UXS1: variants seen among roughly 807,000 people sequenced by gnomAD.
UXS1 encodes the protein UDP-glucuronate decarboxylase 1, also known as UDP-glucuronic acid decarboxylase 1.
UXS1 carries 33 observed loss-of-function variants against 62.6 expected under a neutral mutation model. That is an observed-to-expected ratio of 0.53 (90% confidence interval 0.40 to 0.70). The LOEUF is 0.70. Among genes scored for constraint, UXS1 ranks in the 30% least tolerant of loss-of-function variants. The pLI is 0.00. For synonymous variants in UXS1, 213 were observed against 206.8 expected (o/e 1.03, Z -0.26); for missense variants, 434 against 556.3 (o/e 0.78, Z 2.21).
intron 6 of UXS1, among the ~76,000 whole-genome samples, chr2:106,136,986 A>AAAAAAAAAAAAAAAAAAAAAAATG (rs1680704292): frequency 6.8e-6 from 1 of 147,658 alleles, no homozygotes; most frequent in African/African-American, 2.5e-5. Flanking sequence ...AAAAAAAAAA[A>AAAAAAAAAAAAAAAAAAAAAAATG]GAAAGCCAAG....
At chr2:106,188,040 C>T (rs1218244989) in intron 1 of UXS1, among the ~76,000 whole-genome samples, 1 of 152,232 alleles carries the variant, frequency 6.6e-6, no homozygotes, top group Non-Finnish European at 1.5e-5. Context: ...CCGCGACCAG[C>T]CTTAACTCTA....
chr2:106,152,613 A>C (rs922860453), intron 5 of UXS1, among the ~76,000 whole-genome samples: 20 of 152,020 alleles, frequency 1.3e-4, no homozygotes, highest in Non-Finnish European at 1.5e-5. Context: ...AAAGAAGAGA[A>C]AAGAGGAAAG....
intron 1 of UXS1, among the ~76,000 whole-genome samples, chr2:106,191,291 A>G (rs1457691359): frequency 6.6e-6 from 1 of 152,218 alleles, no homozygotes; most frequent in Non-Finnish European, 1.5e-5. Context: ...GAGGGTGTAT[A>G]TAATTGGGAA....
chr2:106,117,187 C>T (rs1437424079), intron 9 of UXS1, among the ~76,000 whole-genome samples: 1 of 152,198 alleles, frequency 6.6e-6, no homozygotes, highest in Non-Finnish European at 1.5e-5. Context: ...GAGAGGTTGG[C>T]ATACTGTCCA....
chr2:106,164,291 T>A (rs1167442755), intron 3 of UXS1, among the ~76,000 whole-genome samples: 1 of 152,218 alleles, frequency 6.6e-6, no homozygotes, highest in Admixed American at 6.5e-5. Context: ...TATCTACATG[T>A]ATTTAAATAG....
intron 3 of UXS1, among the ~76,000 whole-genome samples, chr2:106,164,156 A>T (rs1424040840): frequency 6.6e-6 from 1 of 152,232 alleles, no homozygotes; most frequent in Non-Finnish European, 1.5e-5. Context: ...GTCTGTAGAC[A>T]CTGTGGACTC....
At chr2:106,166,790 T>C (rs769990546) in intron 1 of UXS1, among the ~76,000 whole-genome samples, 3 of 149,448 alleles carry the variant, frequency 2.0e-5, no homozygotes, top group Non-Finnish European at 4.4e-5. Context: ...CCTGAGTAAG[T>C]GGGACTGCAG....
intron 14 of UXS1, among the ~76,000 whole-genome samples, chr2:106,095,346 G>A (rs1676989310): frequency 6.6e-6 from 1 of 152,190 alleles, no homozygotes; most frequent in Non-Finnish European, 1.5e-5. Flanking sequence ...TGTGAAGTCT[G>A]GGTGTAATTG....
intron 1 of UXS1, among the ~76,000 whole-genome samples, chr2:106,178,833 G>GC (rs1270947411): frequency 2.7e-5 from 4 of 150,496 alleles, no homozygotes; most frequent in Non-Finnish European, 5.9e-5. Context: ...CACACCCAGT[G>GC]CCCCCCAGCC....
intron 1 of UXS1, among the ~76,000 whole-genome samples, chr2:106,178,812 G>A (rs149532579): frequency 4.8e-4 from 72 of 150,614 alleles, no homozygotes; most frequent in African/African-American, 1.7e-3. Context: ...GCTGGGCAGT[G>A]TAGTTCTGAG....
intron 1 of UXS1, among the ~76,000 whole-genome samples, chr2:106,189,051 G>C (rs1380652655): frequency 6.6e-6 from 1 of 152,098 alleles, no homozygotes; most frequent in Non-Finnish European, 1.5e-5. Flanking sequence ...ACCTTAAAAT[G>C]GTAGAAAATA....
chr2:106,102,529 A>G (rs1307955736), intron 11 of UXS1: 1 of 152,240 alleles, frequency 6.6e-6, no homozygotes, highest in Non-Finnish European at 1.5e-5. Context: ...TCATTTTGAC[A>G]AAGTGACTTT....
intron 1 of UXS1, among the ~76,000 whole-genome samples, chr2:106,177,197 T>C (rs1468439888): frequency 2.7e-4 from 5 of 18,742 alleles, no homozygotes; most frequent in African/African-American, 9.4e-4. Context: ...TTTTTTCTTT[T>C]TTCTTTTTTT....
At chr2:106,130,234 AC>A (rs1235620862) in intron 6 of UXS1, among the ~76,000 whole-genome samples, 1 of 152,134 alleles carries the variant, frequency 6.6e-6, no homozygotes, top group Non-Finnish European at 1.5e-5. Flanking sequence ...TATACATAAA[AC>A]CAGACCCTGA....
chr2:106,121,372 A>G (rs1218845394), intron 9 of UXS1, among the ~76,000 whole-genome samples: 1 of 152,254 alleles, frequency 6.6e-6, no homozygotes, highest in African/African-American at 2.4e-5. Flanking sequence ...AGCTCAATCA[A>G]AATGTCCCAT....
At chr2:106,150,614 G>C (rs1681930313) in intron 5 of UXS1, among the ~76,000 whole-genome samples, 1 of 152,178 alleles carries the variant, frequency 6.6e-6, no homozygotes, top group Admixed American at 6.5e-5. Context: ...CTCTAATTCT[G>C]CAAGTGTGCA....
chr2:106,170,616 A>G (rs1319596187), intron 1 of UXS1, among the ~76,000 whole-genome samples: 1 of 152,198 alleles, frequency 6.6e-6, no homozygotes, highest in Non-Finnish European at 1.5e-5. Context: ...CAAAAGCTCT[A>G]CCTGCTTTGC....
At chr2:106,128,606 T>C (rs548004258) in intron 7 of UXS1, among the ~76,000 whole-genome samples, 26 of 152,262 alleles carry the variant, frequency 1.7e-4, no homozygotes, top group African/African-American at 3.4e-4. Flanking sequence ...TTCTCAGGCC[T>C]TGGAACTACA....
chr2:106,128,432 G>A (rs930746183), intron 7 of UXS1, among the ~76,000 whole-genome samples: 7 of 152,184 alleles, frequency 4.6e-5, no homozygotes, highest in African/African-American at 9.7e-5. Context: ...ATCTGTGAAG[G>A]TGTTTCCGGA....
Sources: allele counts gnomAD v4.1 joint callset (sites outside exome capture counted in the v4.1 genomes callset), GRCh38; gene constraint gnomAD v4.1.1; transcripts MANE v1.5; gene names NCBI Gene and HGNC (gene_info 2026-07-23, HGNC 2026-07-21).